The following CCAR1 variants were observed in gnomAD, a reference collection of about 807,000 sequenced individuals.
The protein encoded by CCAR1 is cell division cycle and apoptosis regulator protein 1.
CCAR1 carries 78 observed loss-of-function variants against 163.8 expected under a neutral mutation model. The ratio of observed to expected loss-of-function variants is 0.48; its 90% CI spans 0.40 to 0.57. The LOEUF is 0.57. Among genes scored for constraint, CCAR1 ranks in the 20% least tolerant of loss-of-function variants. The probability of loss-of-function intolerance (pLI) is 0.00; values close to 1 mark genes in which losing one functional copy is unlikely to be tolerated. For synonymous variants in CCAR1, 443 were observed against 460.7 expected, an observed-to-expected ratio of 0.96 and a Z score of 0.49; for missense variants, 1,019 against 1,365.2, an observed-to-expected ratio of 0.75 and a Z score of 4.00.
chr10:68,723,904 A>G (rs780137724), intron 2 of CCAR1, among the ~76,000 whole-genome samples: 1 of 151,820 alleles, frequency 6.6e-6, no homozygotes, highest in Non-Finnish European at 1.5e-5. Context: ...TGTGCCTGTA[A>G]TCCCAGCACT....
At chr10:68,739,942 C>T (rs2133329609) in intron 4 of CCAR1, among the ~76,000 whole-genome samples, 1 of 152,158 alleles carries the variant, frequency 6.6e-6, no homozygotes, top group East Asian at 1.9e-4. Flanking sequence ...TCCTTTCATA[C>T]TAATTCCTTT....
chr10:68,773,541 A>G (rs1024764030), intron 19 of CCAR1, among the ~76,000 whole-genome samples: 4 of 151,996 alleles, frequency 2.6e-5, no homozygotes, highest in Admixed American at 6.6e-5. Context: ...GCGCGTGCCT[A>G]TAATCCCAGG....
chr10:68,738,364 G>A (rs1478855783), intron 4 of CCAR1, among the ~76,000 whole-genome samples: 1 of 150,906 alleles, frequency 6.6e-6, no homozygotes, highest in African/African-American at 2.4e-5. Flanking sequence ...GGAGGCGGAG[G>A]TTATGGTGAG....
chr10:68,762,144 A>G (rs7908381), intron 16 of CCAR1, among the ~76,000 whole-genome samples: 12,053 of 151,742 alleles, frequency 0.079, 1,341 homozygotes, highest in African/African-American at 0.25. Context: ...CCTGGCTAAC[A>G]TGGTAAAACC....
chr10:68,780,480 A>C (rs1589191010), intron 19 of CCAR1, among the ~76,000 whole-genome samples: 1 of 152,226 alleles, frequency 6.6e-6, no homozygotes, highest in Non-Finnish European at 1.5e-5. Context: ...GGTATGAACC[A>C]CCACACCCAG....
At chr10:68,734,071 T>C (rs890742357) in intron 2 of CCAR1, among the ~76,000 whole-genome samples, 7 of 151,100 alleles carry the variant, frequency 4.6e-5, no homozygotes, top group South Asian at 2.1e-4. Flanking sequence ...TATTTTGTTA[T>C]TTTTTTTTAT....
At chr10:68,726,848 T>A (rs1035440059) in intron 2 of CCAR1, among the ~76,000 whole-genome samples, 2 of 151,308 alleles carry the variant, frequency 1.3e-5, no homozygotes, top group African/African-American at 4.8e-5. Context: ...ATACAAAAAT[T>A]AGCCGGACAT....
In CCAR1 at chr10:68,789,863, C is replaced by T. The variant is rs753067226; in HGVS notation, c.3341C>T (p.Thr1114Ile). Reference sequence around the variant, plus strand: ...CAATTTGAAAACCAAATGAATAAGACAATCAGAAACTTATCTACGGTAATG... The same window carrying T: ...CAATTTGAAAACCAAATGAATAAGATAATCAGAAACTTATCTACGGTAATG... ...NLQFENQMNK[T>I]IRNLSTVMDE... is the part of the protein sequence containing the mutation. Residue 1114 changes from threonine (T) to isoleucine (I), a missense_variant, in exon 24 of 25, where the codon ACA becomes ATA. Physicochemically the swap from Thr to Ile is moderately conservative, Grantham distance 89. Transcript: ENST00000265872. 1.9e-6 allele frequency: 3 copies of T among 1,603,504 alleles called. No homozygotes were observed. The highest frequency in any genetic ancestry group is 2.5e-6 in the Non-Finnish European group (3 of 1,176,732).
chr10:68,786,278 A>G, intron 20 of CCAR1, 60 bp downstream of exon 20: 6 of 1,211,298 alleles, frequency 5.0e-6, no homozygotes, highest in Non-Finnish European at 7.1e-6. Context: ...TCTAAACATA[A>G]CACAGTTGTG....
rs891217068 is a variant in CCAR1 at position 68,755,630 on chromosome 10, G to A, written c.1625+94G>A. On this transcript the variant is annotated intron_variant, in intron 13 of 24. Coordinates refer to ENST00000265872, the MANE Select transcript of CCAR1 (RefSeq NM_018237.4). ...AGCCTTTTCCCCCCGGCTTATTTTA[G>A]CAACCCTGGTCAATGCAGGTAATCT... 2.7e-5 allele frequency: 29 copies of A among 1,074,858 alleles called. 1 individual carries two copies. The Admixed American group carries it at 2.8e-4, about 10-fold the overall frequency. 66.6% of individuals were successfully genotyped at this position (1,074,858 alleles called of 1,614,324 possible). A position where few individuals can be genotyped will look rare whatever the true frequency, so the allele number is the denominator to read the frequency against.
At chr10:68,773,916 G>A (rs1450778980) in intron 19 of CCAR1, among the ~76,000 whole-genome samples, 2 of 150,988 alleles carry the variant, frequency 1.3e-5, no homozygotes, top group Admixed American at 6.6e-5. Flanking sequence ...TTTTTCAGAC[G>A]GAGTCTTGCT....
chr10:68,734,048 T>A (rs2056076168), intron 2 of CCAR1, among the ~76,000 whole-genome samples: 2 of 152,160 alleles, frequency 1.3e-5, no homozygotes, highest in African/African-American at 4.8e-5. Flanking sequence ...TTTCTGGGAT[T>A]TTGTTTCTTT....
At chr10:68,746,042 G>A (rs549368466) in intron 6 of CCAR1, among the ~76,000 whole-genome samples, 2 of 151,024 alleles carry the variant, frequency 1.3e-5, no homozygotes, top group Non-Finnish European at 3.0e-5. Context: ...GTGCAATATT[G>A]GCTCATCACA....
In CCAR1 at chr10:68,737,847, A is replaced by G. The variant is rs370283803; in HGVS notation, c.249A>G (p.Gln83=). Reference sequence around the variant, plus strand: ...AAAATTTTTTTTTAATCTTTCAGCAATATTCACAACCTCAGCAGGCCCTGT... The same window carrying G: ...AAAATTTTTTTTTAATCTTTCAGCAGTATTCACAACCTCAGCAGGCCCTGT... ...AAAAAAALQQ[Q]YSQPQQALYS... Residue 83 remains glutamine, a splice_region_variant and synonymous_variant, in exon 4 of 25, where the codon CAA becomes CAG. Transcript: ENST00000265872. 220 of 1,586,180 alleles carry G rather than the reference A, an allele frequency of 1.4e-4. No homozygotes were observed. The highest frequency in any genetic ancestry group is 1.8e-4 in the Non-Finnish European group (207 of 1,169,356).
At position 68,740,871 on chromosome 10, in the gene CCAR1, T is replaced by C. The variant is rs183527911; in HGVS notation, c.324+210T>C. 3.3e-5 allele frequency among the ~76,000 whole-genome samples: 5 copies of C among 151,198 alleles called. No individual in the cohort carries two copies. In the East Asian group the frequency reaches 9.7e-4, roughly 29 times the overall value. ...TCAGCTGTGATACAGTTTGAATAAA[T>C]ATGAGGTTTTATTTTATTTATTTAT... On this transcript the variant is annotated intron_variant, in intron 5 of 24. Coordinates refer to ENST00000265872, the MANE Select transcript of CCAR1 (RefSeq NM_018237.4).
At chr10:68,782,032 C>T (rs1487154970) in intron 19 of CCAR1, among the ~76,000 whole-genome samples, 1 of 152,052 alleles carries the variant, frequency 6.6e-6, no homozygotes, top group Non-Finnish European at 1.5e-5. Flanking sequence ...TTGAAGGAAA[C>T]TCAAAGTGCT....
chr10:68,753,211 C>T lies in CCAR1; in HGVS notation c.1119-641C>T, dbSNP rs1012388739. On this transcript the variant is annotated intron_variant, in intron 10 of 24. Transcript: ENST00000265872. The stretch of plus-strand genomic sequence containing the variant: ...TACTTCTTAGGAAAAAGGAAATGAT[C>T]CTTTAAAAAATCAGTGTGAGATTTA... Among the ~76,000 whole-genome samples the T allele has an allele frequency of 2.7e-5, 4 of 150,570 alleles. No homozygotes were observed. The Admixed American group carries it at 2.7e-4, about 10-fold the overall frequency.
chr10:68,747,163 C>G lies in CCAR1; in HGVS notation c.521C>G (p.Ala174Gly). Residue 174 changes from alanine to glycine, a missense_variant and splice_region_variant, in exon 7 of 25, where the codon GCT becomes GGT. Ala to Gly is a moderately conservative substitution (Grantham distance 60). Coordinates refer to ENST00000265872, the MANE Select transcript of CCAR1 (RefSeq NM_018237.4). ...TTTTTTTCTTTTTTTTTTTACAGTG[C>G]TGTCAAAGGGAAAACCCCCCAAGTA... ...VDEDVFFQLS[A>G]VKGKTPQVGD... The G allele has an allele frequency of 6.8e-7, 1 of 1,479,004 alleles. No homozygotes were observed. Among genetic ancestry groups the G allele is most frequent in the South Asian group, 1.3e-5 (1 of 79,802 alleles). 91.6% of individuals were successfully genotyped at this position (1,479,004 alleles called of 1,614,324 possible). A position where few individuals can be genotyped will look rare whatever the true frequency, so the allele number is the denominator to read the frequency against.
intron 19 of CCAR1, among the ~76,000 whole-genome samples, chr10:68,780,785 T>A (rs1251328632): frequency 6.6e-6 from 1 of 152,330 alleles, no homozygotes; most frequent in Middle Eastern, 3.4e-3. Context: ...AATACTATTA[T>A]ACATGTTTTG....
Sources: gnomAD v4.1 joint callset for allele counts (sites outside exome capture counted in the v4.1 genomes callset) on GRCh38, gnomAD v4.1.1 for gene constraint, MANE v1.5 for transcripts, NCBI Gene and HGNC (gene_info 2026-07-23, HGNC 2026-07-21) for gene names.